The following SMARCA2 variants were observed in gnomAD, a reference collection of about 807,000 sequenced individuals.
SMARCA2 encodes the protein SWI/SNF related BAF chromatin remodeling complex subunit ATPase 2, also known as SWI/SNF-related matrix-associated actin-dependent regulator of chromatin subfamily A member 2.
A neutral mutation model predicts 199.8 loss-of-function variants in SMARCA2; 61 were observed. That is an observed-to-expected ratio of 0.31 (90% CI 0.25 to 0.38). SMARCA2 has a LOEUF of 0.38. Ranked by LOEUF, SMARCA2 falls within the 10% of genes least tolerant of loss-of-function variation. The pLI is 1.00. For missense variants in SMARCA2, 1,344 were observed against 2,012.2 expected, an observed-to-expected ratio of 0.67 and a Z score of 6.35; for synonymous variants, 935 against 732.0, an observed-to-expected ratio of 1.28 and a Z score of -4.48.
At chr9:2,157,943 G>C (rs1239562596) in intron 27 of SMARCA2, 5 of 398,164 alleles carry the variant, frequency 1.3e-5, no homozygotes, top group East Asian at 3.6e-5. Context: ...GCTGCTTCCC[G>C]GGTCTGCCAT....
At chr9:2,081,790 G>A (rs770128630) in intron 14 of SMARCA2, 42 bp from the exon 15 acceptor site, 2 of 1,587,654 alleles carry the variant, frequency 1.3e-6, no homozygotes, top group Non-Finnish European at 1.7e-6. Context: ...TTAATTACCT[G>A]TGCAGATCTT....
At chr9:2,103,661 T>TGAGA (rs34122859) in intron 22 of SMARCA2, among the ~76,000 whole-genome samples, 5,689 of 142,220 alleles carry the variant, frequency 0.04, 296 homozygotes, top group African/African-American at 0.14. Context: ...TGTGTGTGTG[T>TGAGA]GAGAGAGAGA....
intron 6 of SMARCA2, among the ~76,000 whole-genome samples, chr9:2,055,922 T>A (rs1451415087): frequency 6.6e-6 from 1 of 152,238 alleles, no homozygotes; most frequent in African/African-American, 2.4e-5. Flanking sequence ...GATTTTTGTT[T>A]GATATTATTT....
chr9:2,116,101 T>A, intron 25 of SMARCA2, 52 bp downstream of exon 25: 1 of 1,344,346 alleles, frequency 7.4e-7, no homozygotes, highest in Non-Finnish European at 1.1e-6. Context: ...CTTTTGTCTC[T>A]GAAGGACTCA....
intron 9 of SMARCA2, among the ~76,000 whole-genome samples, chr9:2,069,402 C>A (rs539866759): frequency 8.1e-4 from 122 of 151,070 alleles, no homozygotes; most frequent in African/African-American, 2.8e-3. Flanking sequence ...TAAAAAAATA[C>A]AAAAAAATTA....
At chr9:2,157,122 C>T (rs181203351) in intron 27 of SMARCA2, among the ~76,000 whole-genome samples, 50 of 152,276 alleles carry the variant, frequency 3.3e-4, no homozygotes, top group Middle Eastern at 3.4e-3. Context: ...TCTTTGAGGA[C>T]GAGCTCTATG....
At chr9:2,085,164 T>A (rs978299844) in intron 17 of SMARCA2, among the ~76,000 whole-genome samples, 5 of 152,324 alleles carry the variant, frequency 3.3e-5, no homozygotes, top group South Asian at 4.1e-4. Context: ...ATAATTGAGA[T>A]GGCACTGGCA....
intron 18 of SMARCA2, 123 bp from the exon 19 acceptor site, chr9:2,088,377 C>T (rs1821897164): frequency 8.9e-7 from 1 of 1,124,252 alleles, no homozygotes; most frequent in Non-Finnish European, 1.2e-6. Flanking sequence ...CAGGCTTAAA[C>T]TTGGCTTTAA....
intron 19 of SMARCA2, among the ~76,000 whole-genome samples, chr9:2,094,564 C>G (rs1047673750): frequency 2.6e-5 from 4 of 152,214 alleles, no homozygotes; most frequent in Non-Finnish European, 5.9e-5. Context: ...GAACCTCAGG[C>G]AGAGCTAGGA....
At chr9:2,057,704 A>G (rs933369576) in intron 7 of SMARCA2, among the ~76,000 whole-genome samples, 7 of 152,192 alleles carry the variant, frequency 4.6e-5, no homozygotes, top group Non-Finnish European at 5.9e-5. Flanking sequence ...ATTTCCTGTC[A>G]TAGTCCTGTA....
rs1823570431 is a variant in SMARCA2 at position 2,123,811 on chromosome 9, T to A, written c.3855T>A (p.Ile1285=). The A allele has an allele frequency of 6.2e-7, 1 of 1,613,568 alleles. No homozygotes were observed. Among genetic ancestry groups the A allele is most frequent in the South Asian group, 1.1e-5 (1 of 90,900 alleles). Residue 1285 remains isoleucine, a synonymous_variant, in exon 27 of 34, where the codon ATT becomes ATA. Transcript: ENST00000349721. This position sits in a 1 kb window ranked among gnomAD's most constrained non-coding sequence, Gnocchi z 4.1. ...AGGATGAGCTGCCCTCCTGGATCAT[T>A]AAGGATGACGCTGAAGTAGAAAGGC... ...MEEDELPSWI[I]KDDAEVERLT...
intron 27 of SMARCA2, among the ~76,000 whole-genome samples, chr9:2,136,129 C>T (rs1054149826): frequency 1.4e-4 from 21 of 151,274 alleles, no homozygotes; most frequent in African/African-American, 4.4e-4. Flanking sequence ...CATGAGCCAT[C>T]GTGCCTGGCA....
intron 31 of SMARCA2, among the ~76,000 whole-genome samples, chr9:2,184,417 A>G (rs547202037): frequency 2.1e-5 from 3 of 143,952 alleles, no homozygotes; most frequent in East Asian, 2.0e-4. Flanking sequence ...CAGTGGTGCC[A>G]TCTCGGCTCG....
intron 27 of SMARCA2, among the ~76,000 whole-genome samples, chr9:2,140,651 T>C (rs920474859): frequency 6.6e-6 from 1 of 152,192 alleles, no homozygotes; most frequent in African/African-American, 2.4e-5. Flanking sequence ...AGAAAGAAAC[T>C]AGAATCACCT....
At chr9:2,132,581 AC>A (rs1824011618) in intron 27 of SMARCA2, among the ~76,000 whole-genome samples, 1 of 152,048 alleles carries the variant, frequency 6.6e-6, no homozygotes, top group South Asian at 2.1e-4. Flanking sequence ...GTAAACATGG[AC>A]CCTTTTTTCT....
In SMARCA2 at chr9:2,032,960, T is replaced by C; in HGVS notation, c.234T>C (p.Asp78=). 1.2e-6 allele frequency: 2 copies of C among 1,613,838 alleles called. No individual in the cohort carries two copies. The highest frequency in any genetic ancestry group is 1.7e-6 in the Non-Finnish European group (2 of 1,179,786). Residue 78 remains aspartate, a synonymous_variant, in exon 3 of 34, where the codon GAT becomes GAC. Coordinates refer to ENST00000349721, the MANE Select transcript of SMARCA2 (RefSeq NM_003070.5). ...TCCTTTAAATGTTTCAGCCCATCGA[T>C]GGTATACATGACAAGGGGATTGTAG... ...EGMHQMHKPI[D]GIHDKGIVED... is the part of the protein sequence containing the mutation.
chr9:2,191,185 G>T, intron 32 of SMARCA2, 81 bp from the exon 33 acceptor site: 1 of 1,326,844 alleles, frequency 7.5e-7, no homozygotes, highest in Non-Finnish European at 1.1e-6. Context: ...GTTGTCTGTA[G>T]GTTGGTGATA....
chr9:2,019,921 A>G (rs893676803), intron 1 of SMARCA2, among the ~76,000 whole-genome samples: 2 of 151,954 alleles, frequency 1.3e-5, no homozygotes, highest in African/African-American at 2.4e-5. Context: ...ATAAATCACT[A>G]TTTATGACAT....
intron 28 of SMARCA2, among the ~76,000 whole-genome samples, chr9:2,168,861 A>G (rs2129704852): frequency 6.6e-6 from 1 of 152,284 alleles, no homozygotes; most frequent in Admixed American, 6.5e-5. Context: ...TTCAGAACCC[A>G]CTGAGTTGTA....
Sources: gnomAD v4.1 joint callset for allele counts (sites outside exome capture counted in the v4.1 genomes callset) on GRCh38, gnomAD v4.1.1 for gene constraint, Gnocchi (gnomAD v3.1) non-coding constraint, MANE v1.5 for transcripts, NCBI Gene and HGNC (gene_info 2026-07-23, HGNC 2026-07-21) for gene names.